NSRP1: variants seen among roughly 807,000 people sequenced by gnomAD.
NSRP1 encodes nuclear speckle splicing regulatory protein 1, also known as coiled-coil domain containing 55.
NSRP1 carries 24 observed loss-of-function variants against 54.7 expected under a neutral mutation model. That is an observed-to-expected ratio of 0.44 (90% CI 0.32 to 0.62). The LOEUF is 0.62. NSRP1 is among the 20% of genes least tolerant of loss of function. The pLI, the probability that NSRP1 is intolerant of heterozygous loss-of-function variation, is 0.06. For missense variants in NSRP1, 596 were observed against 651.2 expected (o/e 0.92, Z 0.92); for synonymous variants, 210 against 213.8 (o/e 0.98, Z 0.15).
At chr17:30,173,689 T>C (rs1248678276) in intron 3 of NSRP1, among the ~76,000 whole-genome samples, 4 of 152,248 alleles carry the variant, frequency 2.6e-5, no homozygotes, top group Non-Finnish European at 5.9e-5. Flanking sequence ...ACAATAATTC[T>C]ATGAGATAGA....
At chr17:30,176,011 A>G (rs548077825) in intron 3 of NSRP1, among the ~76,000 whole-genome samples, 1 of 149,446 alleles carries the variant, frequency 6.7e-6, no homozygotes, top group South Asian at 2.2e-4. Context: ...CCCCCCCCCC[A>G]AAAAAAAAGA....
intron 2 of NSRP1, among the ~76,000 whole-genome samples, chr17:30,121,423 T>C (rs2071595218): frequency 1.3e-5 from 2 of 149,866 alleles, no homozygotes; most frequent in Non-Finnish European, 3.0e-5. Flanking sequence ...ATTGAATATA[T>C]GGGAAAGAGA....
At chr17:30,160,965 A>G (rs1284634583) in intron 2 of NSRP1, among the ~76,000 whole-genome samples, 1 of 152,214 alleles carries the variant, frequency 6.6e-6, no homozygotes, top group African/African-American at 2.4e-5. Flanking sequence ...TTGCGTAACC[A>G]GGAATAAAAG....
At chr17:30,126,152 A>AATCAC (rs2071647577) in intron 2 of NSRP1, 1 of 152,330 alleles carries the variant, frequency 6.6e-6, no homozygotes, top group Admixed American at 6.5e-5. Flanking sequence ...GCACAGTTAT[A>AATCAC]ATCACTGATC....
At chr17:30,166,544 A>AT (rs2143007262) in intron 2 of NSRP1, among the ~76,000 whole-genome samples, 1 of 152,224 alleles carries the variant, frequency 6.6e-6, no homozygotes, top group African/African-American at 2.4e-5. Context: ...TACCTGTGAG[A>AT]TTTTGTTATA....
At chr17:30,140,850 A>G (rs1307694976) in intron 2 of NSRP1, among the ~76,000 whole-genome samples, 1 of 151,758 alleles carries the variant, frequency 6.6e-6, no homozygotes, top group Non-Finnish European at 1.5e-5. Flanking sequence ...TTTTCAGCTA[A>G]TTTTGGTTAT....
At chr17:30,164,492 C>T (rs1002280109) in intron 2 of NSRP1, among the ~76,000 whole-genome samples, 5 of 152,000 alleles carry the variant, frequency 3.3e-5, no homozygotes, top group African/African-American at 7.3e-5. Flanking sequence ...TTAAAACTAA[C>T]GATTTTATTA....
chr17:30,117,064 G>T (rs1356773465), intron 1 of NSRP1: 3 of 779,930 alleles, frequency 3.8e-6, no homozygotes, highest in South Asian at 2.9e-5. Flanking sequence ...GTTTGAGGGA[G>T]AAACTTGTGA....
At chr17:30,131,753 C>A (rs1472839231) in intron 2 of NSRP1, among the ~76,000 whole-genome samples, 1 of 151,818 alleles carries the variant, frequency 6.6e-6, no homozygotes, top group Non-Finnish European at 1.5e-5. Context: ...CTGCATTGAT[C>A]GACTCTTCCT....
chr17:30,128,402 C>G (rs2071669912), intron 2 of NSRP1, among the ~76,000 whole-genome samples: 1 of 151,816 alleles, frequency 6.6e-6, no homozygotes, highest in Non-Finnish European at 1.5e-5. Flanking sequence ...AGTGAGCTAC[C>G]ATTTTTTGCC....
At chr17:30,153,705 C>G (rs2071934822) in intron 2 of NSRP1, among the ~76,000 whole-genome samples, 1 of 152,124 alleles carries the variant, frequency 6.6e-6, no homozygotes, top group African/African-American at 2.4e-5. Context: ...TGACTAGATG[C>G]AACAGGCCAC....
rs889629413 is a variant in NSRP1, at chr17:30,180,880, A to T, written c.509-28A>T. The stretch of plus-strand genomic sequence containing the variant: ...AACTGCACTGTGCCTTATTGAATAT[A>T]TTCTAATTTTTGCTTTCCCTCTGTT... On this transcript the variant is annotated intron_variant, in intron 5 of 6. Transcript: ENST00000247026. 9 of 1,356,692 alleles carry T rather than the reference A, an allele frequency of 6.6e-6. No individual in the cohort carries two copies. The Admixed American group carries it at 6.7e-5, about 10-fold the overall frequency. The allele number at this position is 1,356,692 out of a possible 1,614,324, so 84.0% of individuals were successfully genotyped here.
intron 2 of NSRP1, among the ~76,000 whole-genome samples, chr17:30,171,380 A>G (rs1258171885): frequency 6.9e-6 from 1 of 145,384 alleles, no homozygotes; most frequent in Non-Finnish European, 1.5e-5. Flanking sequence ...ATTTTGGCTC[A>G]CTGCAACATC....
At chr17:30,140,590 G>A (rs7207407) in intron 2 of NSRP1, among the ~76,000 whole-genome samples, 3,818 of 133,534 alleles carry the variant, frequency 0.029, 152 homozygotes, top group African/African-American at 0.1. Context: ...GTGCAGTGGC[G>A]TGATCTCGGC....
rs772960138 is a variant in NSRP1 at position 30,173,108 on chromosome 17, C to T, written c.171+510C>T. 9.2e-4 allele frequency among the ~76,000 whole-genome samples: 140 copies of T among 151,982 alleles called. 1 individual carries two copies. The highest frequency in any genetic ancestry group is 1.8e-3 in the Non-Finnish European group (119 of 67,974). On this transcript the variant is annotated intron_variant, in intron 3 of 6. Coordinates refer to ENST00000247026, the MANE Select transcript of NSRP1 (RefSeq NM_032141.4). Reference sequence around the variant, plus strand: ...CCTCCCGAGTAGCTGGGACTAAAGGCGCATGCCACCATGCCCAGCTAATTT... The same window carrying T: ...CCTCCCGAGTAGCTGGGACTAAAGGTGCATGCCACCATGCCCAGCTAATTT...
chr17:30,127,983 C>CTG, intron 2 of NSRP1: 1 of 397,036 alleles, frequency 2.5e-6, no homozygotes, highest in Non-Finnish European at 4.4e-6. Flanking sequence ...CACAGGCACA[C>CTG]ACCACCATGC....
At chr17:30,168,798 G>A (rs182470330) in intron 2 of NSRP1, 5 of 151,868 alleles carry the variant, frequency 3.3e-5, no homozygotes, top group Admixed American at 2.0e-4. Context: ...TAAGCTTTTT[G>A]TATTTGTTTA....
At chr17:30,137,430 ATTGC>A (rs1157453027) in intron 2 of NSRP1, among the ~76,000 whole-genome samples, 1 of 152,198 alleles carries the variant, frequency 6.6e-6, no homozygotes, top group African/African-American at 2.4e-5. Flanking sequence ...TTCAGGAGTC[ATTGC>A]TTGATTAAGT....
chr17:30,172,678 C>T, intron 3 of NSRP1, 80 bp downstream of exon 3: 1 of 1,107,658 alleles, frequency 9.0e-7, no homozygotes, highest in Non-Finnish European at 1.3e-6. Context: ...TATCTAGGTG[C>T]TGAGACTAAA....
Sources: gnomAD v4.1 joint callset for allele counts (sites outside exome capture counted in the v4.1 genomes callset) on GRCh38, gnomAD v4.1.1 for gene constraint, MANE v1.5 for transcripts, NCBI Gene and HGNC (gene_info 2026-07-23, HGNC 2026-07-21) for gene names.